SFMBT2: variants seen among roughly 807,000 people sequenced by gnomAD.
The protein encoded by SFMBT2 is scm-like with four MBT domains protein 2.
Under a neutral mutation model 110.1 loss-of-function variants are expected in SFMBT2, and 38 were observed. That is an observed-to-expected ratio of 0.35 (90% CI 0.27 to 0.45). The LOEUF is 0.45. SFMBT2 is among the 20% of genes least tolerant of loss of function. The probability of loss-of-function intolerance (pLI) is 1.00; values close to 1 mark genes in which losing one functional copy is unlikely to be tolerated. For synonymous variants in SFMBT2, 425 were observed against 425.4 expected (o/e 1.00, Z 0.01); for missense variants, 1,011 against 1,094.9 (o/e 0.92, Z 1.08).
intron 9 of SFMBT2, chr10:7,228,376 T>TAAA (rs61479973): frequency 1.7e-5 from 12 of 686,942 alleles, no homozygotes; most frequent in South Asian, 7.0e-5. Flanking sequence ...AATAAAAAAT[T>TAAA]AAAAAAAAAA....
intron 13 of SFMBT2, among the ~76,000 whole-genome samples, chr10:7,201,750 G>A (rs1588797230): frequency 6.6e-6 from 1 of 152,120 alleles, no homozygotes; most frequent in Admixed American, 6.6e-5. Flanking sequence ...AATGTTACTA[G>A]CAGTCACAAC....
chr10:7,185,150 C>T (rs1412088393), intron 16 of SFMBT2, among the ~76,000 whole-genome samples: 3 of 152,174 alleles, frequency 2.0e-5, no homozygotes, highest in Non-Finnish European at 4.4e-5. Context: ...CTTAAGCTGG[C>T]CTGTTTGAAT....
intron 7 of SFMBT2, among the ~76,000 whole-genome samples, chr10:7,249,888 C>T (rs1394441842): frequency 2.0e-5 from 3 of 152,166 alleles, no homozygotes; most frequent in Non-Finnish European, 4.4e-5. Context: ...TTGGGGGATG[C>T]ATGATGAATG....
At chr10:7,395,066 C>T (rs972231523) in intron 1 of SFMBT2, among the ~76,000 whole-genome samples, 1 of 152,172 alleles carries the variant, frequency 6.6e-6, no homozygotes, top group African/African-American at 2.4e-5. Flanking sequence ...TGTCTGTAAT[C>T]CCAGCACTCT....
chr10:7,294,055 G>C (rs2131864981), intron 4 of SFMBT2, among the ~76,000 whole-genome samples: 1 of 152,318 alleles, frequency 6.6e-6, no homozygotes, highest in African/African-American at 2.4e-5. Flanking sequence ...AGTGAGCTAG[G>C]ACAGAGCCCA....
chr10:7,277,837 A>G (rs922278058), intron 6 of SFMBT2, among the ~76,000 whole-genome samples: 4 of 152,256 alleles, frequency 2.6e-5, no homozygotes, highest in African/African-American at 4.8e-5. Context: ...TATGAAATTA[A>G]GCACAGTTAA....
chr10:7,268,042 TA>T (rs1282078878), intron 7 of SFMBT2, among the ~76,000 whole-genome samples: 1 of 152,168 alleles, frequency 6.6e-6, no homozygotes, highest in Non-Finnish European at 1.5e-5. Context: ...TACAATTTAA[TA>T]TTTGCAAACA....
chr10:7,262,885 A>G (rs1450164167), intron 7 of SFMBT2, among the ~76,000 whole-genome samples: 1 of 152,202 alleles, frequency 6.6e-6, no homozygotes, highest in Admixed American at 6.5e-5. Flanking sequence ...TCAAGTACCC[A>G]GAACAGGCAA....
chr10:7,392,248 C>T (rs1054924026), intron 1 of SFMBT2, among the ~76,000 whole-genome samples: 7 of 152,148 alleles, frequency 4.6e-5, no homozygotes, highest in Non-Finnish European at 1.5e-5. Flanking sequence ...GGTGCGGTGG[C>T]TCACGCCTGT....
At chr10:7,336,685 CAG>C (rs1307809956) in intron 4 of SFMBT2, among the ~76,000 whole-genome samples, 1 of 148,802 alleles carries the variant, frequency 6.7e-6, no homozygotes, top group Non-Finnish European at 1.5e-5. Context: ...ATCAATCAAT[CAG>C]AGAGATCCGG....
At chr10:7,239,290 T>A (rs1840361029) in intron 9 of SFMBT2, among the ~76,000 whole-genome samples, 1 of 152,204 alleles carries the variant, frequency 6.6e-6, no homozygotes, top group African/African-American at 2.4e-5. Flanking sequence ...TGTGGAAACA[T>A]CTGAAATCAC....
chr10:7,282,756 C>T (rs1483732352), intron 6 of SFMBT2, among the ~76,000 whole-genome samples: 1 of 152,176 alleles, frequency 6.6e-6, no homozygotes, highest in Non-Finnish European at 1.5e-5. Flanking sequence ...AACTCCTCTC[C>T]TTCATGTACT....
At chr10:7,197,038 T>C (rs1245510136) in intron 15 of SFMBT2, among the ~76,000 whole-genome samples, 2 of 152,040 alleles carry the variant, frequency 1.3e-5, no homozygotes, top group Admixed American at 6.6e-5. Flanking sequence ...CTGGAGACCA[T>C]TGAAATACTT....
intron 7 of SFMBT2, among the ~76,000 whole-genome samples, chr10:7,272,442 G>A (rs565749136): frequency 2.0e-4 from 30 of 152,304 alleles, no homozygotes; most frequent in Middle Eastern, 3.4e-3. Flanking sequence ...GCTCTGAAAC[G>A]AGTCCCACCA....
At chr10:7,287,077 CTTTTTTTTTT>C (rs761728311) in intron 4 of SFMBT2, among the ~76,000 whole-genome samples, 3 of 99,686 alleles carry the variant, frequency 3.0e-5, no homozygotes, top group Admixed American at 1.3e-4. Flanking sequence ...TTTGAGGCAT[CTTTTTTTTTT>C]TTTTTTTTTT....
At chr10:7,335,378 G>A (rs191807470) in intron 4 of SFMBT2, among the ~76,000 whole-genome samples, 15 of 152,202 alleles carry the variant, frequency 9.9e-5, no homozygotes, top group Admixed American at 2.0e-4. Flanking sequence ...CACTATCTTA[G>A]GAGGCATCAA....
rs1363813312 is a variant in SFMBT2 at position 7,159,327 on chromosome 10, T to A, written c.*4443A>T. The A allele has an allele frequency of 6.6e-6, 1 of 152,214 alleles. No individual in the cohort carries two copies. The highest frequency in any genetic ancestry group is 1.5e-5 in the Non-Finnish European group (1 of 68,034). The allele number at this position is 152,214 out of a possible 1,614,324, so 9.4% of individuals were successfully genotyped here. On this transcript the variant is annotated 3_prime_UTR_variant, in exon 21 of 21. Coordinates refer to ENST00000397167, the MANE Select transcript of SFMBT2 (RefSeq NM_001387889.1). ...AATTACAACTTTTAGGTAAATTACA[T>A]GGGTCAAAAGTAGCACAATTTGATT...
At chr10:7,229,346 C>T (rs1247494409) in intron 9 of SFMBT2, among the ~76,000 whole-genome samples, 1 of 151,932 alleles carries the variant, frequency 6.6e-6, no homozygotes, top group African/African-American at 2.4e-5. Flanking sequence ...TTTGGGAGGC[C>T]GAGGCGGGTG....
chr10:7,218,205 A>G (rs548667326), intron 11 of SFMBT2, among the ~76,000 whole-genome samples: 2 of 152,234 alleles, frequency 1.3e-5, no homozygotes, highest in African/African-American at 4.8e-5. Context: ...TTAGATAAAA[A>G]AATTTAGCAG....
Sources: gnomAD v4.1 joint callset for allele counts (sites outside exome capture counted in the v4.1 genomes callset) on GRCh38, gnomAD v4.1.1 for gene constraint, MANE v1.5 for transcripts, NCBI Gene and HGNC (gene_info 2026-07-23, HGNC 2026-07-21) for gene names.